CACNA1D: variants seen among roughly 807,000 people sequenced by gnomAD.
CACNA1D encodes the protein calcium voltage-gated channel subunit alpha1 D, also known as voltage-dependent L-type calcium channel subunit alpha-1D.
CACNA1D carries 55 observed loss-of-function variants against 257.1 expected under a neutral mutation model. That is an observed-to-expected ratio of 0.21 (90% confidence interval 0.17 to 0.27). CACNA1D has a LOEUF of 0.27. Among genes scored for constraint, CACNA1D ranks in the 10% least tolerant of loss-of-function variants. CACNA1D has a pLI of 1.00. For missense variants in CACNA1D, 1,876 were observed against 2,784.0 expected, an observed-to-expected ratio of 0.67 and a Z score of 7.34; for synonymous variants, 980 against 1,014.9, an observed-to-expected ratio of 0.97 and a Z score of 0.65.
At chr3:53,738,477 A>G (rs1054766487) in intron 20 of CACNA1D, among the ~76,000 whole-genome samples, 6 of 152,174 alleles carry the variant, frequency 3.9e-5, no homozygotes, top group Non-Finnish European at 5.9e-5. Context: ...ATTTCATTCC[A>G]TCATAAAAAA....
rs1446062560 is a variant in CACNA1D at position 53,665,797 on chromosome 3, T to A, written c.904T>A (p.Phe302Ile). The change falls in exon 6 of 48, where the codon TTT (phenylalanine) becomes ATT (isoleucine). Residue 302 changes from phenylalanine (F) to isoleucine (I), a missense_variant. Around this residue, in one of 10 missense-constraint regions of CACNA1D, gnomAD observed 188 missense variants for 390.4 expected, o/e 0.48. Coordinates refer to ENST00000350061, the MANE Select transcript of CACNA1D (RefSeq NM_001128840.3). ...LFIGKMHKTC[F>I]FADSDIVAEE... is the part of the protein sequence containing the mutation. ...TATTGGAAAAATGCACAAAACATGT[T>A]TTTTTGCTGACTCAGGTGAGTAATG... is the stretch of plus-strand genomic sequence containing the variant. 1.2e-6 allele frequency: 2 copies of A among 1,613,298 alleles called. No homozygotes were observed. The highest frequency in any genetic ancestry group is 1.7e-6 in the Non-Finnish European group (2 of 1,179,422).
chr3:53,760,686 A>T (rs140865259), intron 29 of CACNA1D, among the ~76,000 whole-genome samples: 299 of 152,276 alleles, frequency 2.0e-3, no homozygotes, highest in Middle Eastern at 0.017. Context: ...AGAAGATGTA[A>T]AATGTCCGGC....
chr3:53,708,753 T>TTCAAAGAAAAA (rs1559549257), intron 9 of CACNA1D, among the ~76,000 whole-genome samples: 1 of 152,212 alleles, frequency 6.6e-6, no homozygotes, highest in Non-Finnish European at 1.5e-5. Flanking sequence ...TTTCAAAGTA[T>TTCAAAGAAAAA]ATAAAGTAAG....
intron 10 of CACNA1D, chr3:53,718,883 CG>C: frequency 1.4e-6 from 1 of 735,254 alleles, no homozygotes; most frequent in Non-Finnish European, 2.2e-6. Flanking sequence ...TCAGGCCTGG[CG>C]GTTGGATGAC....
chr3:53,532,337 G>T (rs2091977553), intron 3 of CACNA1D, among the ~76,000 whole-genome samples: 1 of 152,200 alleles, frequency 6.6e-6, no homozygotes, highest in Non-Finnish European at 1.5e-5. Context: ...TTAACCACAT[G>T]ATTATTCTCA....
rs140700373 is a variant in CACNA1D, at chr3:53,557,268, G to A, written c.483+55548G>A. 8.6e-3 allele frequency among the ~76,000 whole-genome samples: 1,307 copies of A among 152,252 alleles called. 93 individuals are homozygous for A. In the South Asian group the frequency reaches 0.16, roughly 19 times the overall value. Reference sequence around the variant, plus strand: ...CCCAGCACTTGGGAGTCCGAGGAGGGCGGGTCACCTGAGGTCGGGAGTTTG... The same window carrying A: ...CCCAGCACTTGGGAGTCCGAGGAGGACGGGTCACCTGAGGTCGGGAGTTTG... On this transcript the variant is annotated intron_variant, in intron 3 of 47. Transcript: ENST00000350061.
At chr3:53,625,794 A>G (rs1247984935) in intron 3 of CACNA1D, among the ~76,000 whole-genome samples, 7 of 152,124 alleles carry the variant, frequency 4.6e-5, no homozygotes, top group African/African-American at 1.4e-4. Flanking sequence ...TCAGTTACCA[A>G]TTGTTGGGTG....
At chr3:53,782,264 G>GTATCTATATA (rs2095429963) in intron 39 of CACNA1D, 1 of 75,446 alleles carries the variant, frequency 1.3e-5, no homozygotes, top group Non-Finnish European at 2.2e-5. Flanking sequence ...GTGTGTGTGT[G>GTATCTATATA]TATATATATA....
At chr3:53,740,438 A>C in intron 21 of CACNA1D, 99 bp downstream of exon 21, 1 of 824,636 alleles carries the variant, frequency 1.2e-6, no homozygotes, top group Admixed American at 1.7e-5. Context: ...TACGCAGACT[A>C]TGTCTTCACT....
At chr3:53,786,693 G>A (rs2095454662) in intron 39 of CACNA1D, 129 bp from the exon 40 acceptor site, 1 of 796,326 alleles carries the variant, frequency 1.3e-6, no homozygotes, top group East Asian at 2.6e-5. Context: ...CTGAGACCTC[G>A]GTGCCTTCTG....
chr3:53,693,644 C>A (rs896203535), intron 8 of CACNA1D, among the ~76,000 whole-genome samples: 7 of 152,134 alleles, frequency 4.6e-5, no homozygotes, highest in African/African-American at 1.7e-4. Flanking sequence ...CTGGACTCCC[C>A]TGATAAAAAT....
rs576048058 is a variant in CACNA1D at position 53,705,387 on chromosome 3, GT to G, written c.1390+2580del. On this transcript the variant is annotated intron_variant, in intron 9 of 47. Transcript: ENST00000350061. ...ATAATCTAGGAAAGAAACAAAACCT[GT>G]TTAAAAGCCTTGTAGATCTTCAGAA... is the stretch of plus-strand genomic sequence containing the variant. Among the ~76,000 whole-genome samples, 659 of 152,286 alleles carry G rather than the reference GT, an allele frequency of 4.3e-3. 10 individuals carry two copies. Among genetic ancestry groups the G allele is most frequent in the African/African-American group, 0.015 (632 of 41,546 alleles).
intron 3 of CACNA1D, among the ~76,000 whole-genome samples, chr3:53,588,475 G>A (rs557954249): frequency 2.6e-5 from 4 of 152,256 alleles, no homozygotes; most frequent in Non-Finnish European, 4.4e-5. Context: ...GTTTGGAGAC[G>A]GGAGATGCTC....
intron 8 of CACNA1D, among the ~76,000 whole-genome samples, chr3:53,694,533 T>C (rs917585247): frequency 3.3e-5 from 5 of 152,140 alleles, no homozygotes; most frequent in African/African-American, 4.8e-5. Flanking sequence ...TTCTGTTGAC[T>C]GGGCATATGA....
Position 53,780,878 on chromosome 3 carries a change from G to C in CACNA1D, c.4691-688G>C, listed in dbSNP as rs1176927482. 5.3e-5 allele frequency among the ~76,000 whole-genome samples: 8 copies of C among 152,186 alleles called. No individual in the cohort carries two copies. The East Asian group carries it at 1.5e-3, about 29-fold the overall frequency. On this transcript the variant is annotated intron_variant, in intron 38 of 47. Coordinates refer to ENST00000350061, the MANE Select transcript of CACNA1D (RefSeq NM_001128840.3). ...ACTGGTGGAGGAGAGGGAAGAGGAG[G>C]CAGCAAGGGACTCATGCTGAGTGCA...
At chr3:53,662,690 G>A (rs1301814896) in intron 5 of CACNA1D, among the ~76,000 whole-genome samples, 1 of 151,884 alleles carries the variant, frequency 6.6e-6, no homozygotes, top group Middle Eastern at 3.2e-3. Context: ...AGTCCCATGA[G>A]ATCCACTGAG....
intron 3 of CACNA1D, among the ~76,000 whole-genome samples, chr3:53,592,307 G>C (rs992752520): frequency 6.6e-6 from 1 of 152,206 alleles, no homozygotes; most frequent in Admixed American, 6.5e-5. Flanking sequence ...GGATAGCCAG[G>C]GCAGAGGGGA....
intron 3 of CACNA1D, among the ~76,000 whole-genome samples, chr3:53,526,137 G>T (rs773653580): frequency 1.3e-5 from 2 of 152,198 alleles, no homozygotes; most frequent in Non-Finnish European, 2.9e-5. Context: ...TCTCAGATTG[G>T]GTCACGCGCA....
At chr3:53,659,969 G>A (rs902661411) in intron 4 of CACNA1D, among the ~76,000 whole-genome samples, 164 bp from the exon 5 acceptor site, 13 of 152,188 alleles carry the variant, frequency 8.5e-5, no homozygotes, top group East Asian at 5.8e-4. Flanking sequence ...AGATGGCGTC[G>A]TTTGTATTCC....
Sources: allele counts gnomAD v4.1 joint callset (sites outside exome capture counted in the v4.1 genomes callset), GRCh38; gene constraint gnomAD v4.1.1; regional missense constraint gnomAD v4.1.1; transcripts MANE v1.5; gene names NCBI Gene and HGNC (gene_info 2026-07-23, HGNC 2026-07-21).